TBC1D15: variants seen among roughly 807,000 people sequenced by gnomAD.
The protein encoded by TBC1D15 is GAP for RAB7.
Under a neutral mutation model 95.4 loss-of-function variants are expected in TBC1D15, and 39 were observed. The observed-to-expected ratio is 0.41, with a 90% confidence interval of 0.32 to 0.53. The LOEUF (loss-of-function observed/expected upper bound fraction) is 0.53, where lower values mean the gene tolerates loss of function less well. Ranked by LOEUF, TBC1D15 falls within the 20% of genes least tolerant of loss-of-function variation. TBC1D15 has a pLI of 0.29. For missense variants in TBC1D15, 733 were observed against 794.3 expected, an observed-to-expected ratio of 0.92 and a Z score of 0.93; for synonymous variants, 258 against 261.3, an observed-to-expected ratio of 0.99 and a Z score of 0.12.
chr12:71,848,848 G>A (rs1323251101), intron 1 of TBC1D15, among the ~76,000 whole-genome samples: 1 of 152,136 alleles, frequency 6.6e-6, no homozygotes, highest in East Asian at 1.9e-4. Context: ...CTATGGGTTT[G>A]TCAAGCTCCT....
At chr12:71,918,415 G>A (rs1009163188) in intron 13 of TBC1D15, 36 bp from the exon 14 acceptor site, 7 of 1,314,292 alleles carry the variant, frequency 5.3e-6, no homozygotes, top group East Asian at 2.3e-5. Flanking sequence ...ATTAGCATAA[G>A]AGTAAGTCAT....
intron 1 of TBC1D15, chr12:71,861,446 T>C (rs911046889): frequency 1.3e-5 from 19 of 1,514,678 alleles, no homozygotes; most frequent in Admixed American, 1.2e-4. Flanking sequence ...AAGTAGTATG[T>C]GTCCAGGACT....
chr12:71,900,837 T>G (rs1001219869), intron 10 of TBC1D15, among the ~76,000 whole-genome samples: 5 of 152,008 alleles, frequency 3.3e-5, no homozygotes, highest in African/African-American at 7.2e-5. Flanking sequence ...GAGACAGCTT[T>G]TAGTAGGAAA....
intron 12 of TBC1D15, among the ~76,000 whole-genome samples, chr12:71,916,634 TG>T (rs1288611915): frequency 6.6e-6 from 1 of 152,114 alleles, no homozygotes; most frequent in Non-Finnish European, 1.5e-5. Flanking sequence ...AAGGAGGAAA[TG>T]TTTTTCTAAG....
chr12:71,913,632 C>T (rs12581846), intron 11 of TBC1D15, 194 bp from the exon 12 acceptor site: 33,434 of 479,988 alleles, frequency 0.07, 1,463 homozygotes, highest in South Asian at 0.14. Flanking sequence ...TCTAAAACAA[C>T]TCATCTTTCT....
chr12:71,874,444 G>A (rs890975549), intron 3 of TBC1D15, among the ~76,000 whole-genome samples: 1 of 151,974 alleles, frequency 6.6e-6, no homozygotes, highest in Non-Finnish European at 1.5e-5. Flanking sequence ...AGTACTTGGT[G>A]CACAGCAAAT....
intron 1 of TBC1D15, among the ~76,000 whole-genome samples, chr12:71,843,716 A>G (rs931868703): frequency 6.6e-6 from 1 of 152,056 alleles, no homozygotes; most frequent in Non-Finnish European, 1.5e-5. Flanking sequence ...TGGTGTGATC[A>G]TGGTTCATTG....
chr12:71,842,136 G>A (rs996955784), intron 1 of TBC1D15, among the ~76,000 whole-genome samples: 3 of 152,164 alleles, frequency 2.0e-5, no homozygotes, highest in Non-Finnish European at 4.4e-5. Context: ...GTCTCTCAGT[G>A]TCTCCACCTA....
intron 11 of TBC1D15, among the ~76,000 whole-genome samples, chr12:71,910,365 G>T (rs1224655220): frequency 2.7e-5 from 4 of 149,390 alleles, no homozygotes. Flanking sequence ...GGTTCCATAT[G>T]AACTTTAAAG....
At chr12:71,891,329 T>A (rs79039236) in intron 5 of TBC1D15, among the ~76,000 whole-genome samples, 2,580 of 152,252 alleles carry the variant, frequency 0.017, 77 homozygotes, top group African/African-American at 0.059. Flanking sequence ...TAGACTATAG[T>A]TTTCTTCAAA....
intron 11 of TBC1D15, among the ~76,000 whole-genome samples, chr12:71,912,144 A>C (rs1902524873): frequency 6.6e-6 from 1 of 152,094 alleles, no homozygotes; most frequent in South Asian, 2.1e-4. Flanking sequence ...CATTGATTTC[A>C]CTGTGTCAGG....
At chr12:71,866,283 C>G (rs559881645) in intron 1 of TBC1D15, among the ~76,000 whole-genome samples, 1 of 152,302 alleles carries the variant, frequency 6.6e-6, no homozygotes, top group Non-Finnish European at 1.5e-5. Flanking sequence ...GTCTTTTGGG[C>G]CACAAGGACA....
intron 1 of TBC1D15, among the ~76,000 whole-genome samples, chr12:71,860,087 G>C (rs1361189326): frequency 6.6e-6 from 1 of 152,018 alleles, no homozygotes; most frequent in Non-Finnish European, 1.5e-5. Flanking sequence ...TTTATTTCTG[G>C]GTTCCTTATT....
chr12:71,918,499 T>A lies in TBC1D15; in HGVS notation c.1550T>A (p.Ile517Asn). 6.2e-7 allele frequency: 1 copy of A among 1,609,860 alleles called. No individual in the cohort carries two copies. The highest frequency in any genetic ancestry group is 1.1e-5 in the South Asian group (1 of 89,808). The change falls in exon 14 of 17, where the codon ATC becomes AAC. Residue 517 changes from isoleucine (I) to asparagine (N), a missense_variant. Transcript: ENST00000485960. ...TATTTTTGCTTCAGGTGGCTTTTAA[T>A]CAGATTCAAAAGGGAATTTAGTTTT... ...YLYFCFRWLL[I>N]RFKREFSFLD...
intron 1 of TBC1D15, among the ~76,000 whole-genome samples, chr12:71,857,150 T>C (rs1193172617): frequency 6.6e-6 from 1 of 152,064 alleles, no homozygotes; most frequent in East Asian, 1.9e-4. Flanking sequence ...GCATCTTGCT[T>C]TACTGCCCAG....
At chr12:71,902,616 A>AT (rs1338204560) in intron 10 of TBC1D15, among the ~76,000 whole-genome samples, 1 of 152,200 alleles carries the variant, frequency 6.6e-6, no homozygotes. Flanking sequence ...ACCTGAAACT[A>AT]TAAAGACCCT....
At chr12:71,883,417 G>T (rs544828502) in intron 4 of TBC1D15, among the ~76,000 whole-genome samples, 1 of 152,152 alleles carries the variant, frequency 6.6e-6, no homozygotes, top group Non-Finnish European at 1.5e-5. Flanking sequence ...TGTGAAAGCT[G>T]CTGGTCATTG....
intron 3 of TBC1D15, among the ~76,000 whole-genome samples, chr12:71,877,164 A>C (rs1894028359): frequency 6.8e-6 from 1 of 147,864 alleles, no homozygotes; most frequent in African/African-American, 2.5e-5. Flanking sequence ...TGTTAAGTCT[A>C]ATGCATTCTA....
chr12:71,900,291 G>C (rs1899067606), intron 10 of TBC1D15, among the ~76,000 whole-genome samples: 1 of 152,140 alleles, frequency 6.6e-6, no homozygotes, highest in African/African-American at 2.4e-5. Flanking sequence ...GGAAACATGT[G>C]CCACCTAGTG....
Sources: allele counts gnomAD v4.1 joint callset (sites outside exome capture counted in the v4.1 genomes callset), GRCh38; gene constraint gnomAD v4.1.1; transcripts MANE v1.5; gene names NCBI Gene and HGNC (gene_info 2026-07-23, HGNC 2026-07-21).